Variants in FHIP1A observed in about 807,000 individuals in gnomAD.
FHIP1A encodes the protein FHF complex subunit HOOK-interacting protein 1A.
FHIP1A carries 61 observed loss-of-function variants against 88.6 expected under a neutral mutation model. The ratio of observed to expected loss-of-function variants is 0.69; its 90% CI spans 0.56 to 0.85. The LOEUF is 0.85. Ranked by LOEUF, FHIP1A falls within the 40% of genes least tolerant of loss-of-function variation. The pLI, the probability that FHIP1A is intolerant of heterozygous loss-of-function variation, is 0.00. For missense variants in FHIP1A, 1,154 were observed against 1,273.5 expected, an observed-to-expected ratio of 0.91 and a Z score of 1.43; for synonymous variants, 478 against 496.0, an observed-to-expected ratio of 0.96 and a Z score of 0.48.
At chr4:151,637,546 G>T (rs1479536924) in intron 8 of FHIP1A, among the ~76,000 whole-genome samples, 2 of 152,126 alleles carry the variant, frequency 1.3e-5, no homozygotes, top group Non-Finnish European at 2.9e-5. Context: ...ACAGTGATTT[G>T]CAGGGGTTAC....
At chr4:151,411,343 A>ATTCTTTTTTT (rs370374898) in intron 1 of FHIP1A, among the ~76,000 whole-genome samples, 4,490 of 111,890 alleles carry the variant, frequency 0.04, 372 homozygotes, top group Middle Eastern at 0.074. Flanking sequence ...GTGAAATTAT[A>ATTCTTTTTTT]TATATATTTT....
intron 7 of FHIP1A, among the ~76,000 whole-genome samples, chr4:151,625,042 G>A (rs1180716963): frequency 6.6e-6 from 1 of 152,156 alleles, no homozygotes; most frequent in Non-Finnish European, 1.5e-5. Flanking sequence ...CTTGGCTGCA[G>A]GTGGGTGGAT....
At chr4:151,433,257 C>T (rs1452153423) in intron 1 of FHIP1A, among the ~76,000 whole-genome samples, 2 of 150,346 alleles carry the variant, frequency 1.3e-5, no homozygotes, top group African/African-American at 4.9e-5. Flanking sequence ...ATTGAGGAGG[C>T]TACTGTGAAG....
chr4:151,577,860 T>C lies in FHIP1A; in HGVS notation c.516T>C (p.Ile172=). ...TCCTACTCAATCAGCTCTGTTCCATTCTTGCCAAAGATCCATCCATTTTAG... is the reference window on the plus strand; with the variant it reads ...TCCTACTCAATCAGCTCTGTTCCATCCTTGCCAAAGATCCATCCATTTTAG... The part of the protein sequence containing the change: ...LVVLLNQLCS[I]LAKDPSILEL... The change falls in exon 5 of 14, where the codon ATT becomes ATC. Residue 172 remains isoleucine (I), a synonymous_variant. Transcript: ENST00000435205. 6.4e-7 allele frequency: 1 copy of C among 1,551,972 alleles called. No individual in the cohort carries two copies. The highest frequency in any genetic ancestry group is 8.7e-7 in the Non-Finnish European group (1 of 1,147,038).
chr4:151,600,064 C>G (rs2126827414), intron 7 of FHIP1A, among the ~76,000 whole-genome samples: 1 of 152,330 alleles, frequency 6.6e-6, no homozygotes, highest in East Asian at 1.9e-4. Context: ...ATTGCATCAT[C>G]ACTGCATCTT....
chr4:151,505,028 G>C (rs1474577643), intron 3 of FHIP1A, among the ~76,000 whole-genome samples: 1 of 152,144 alleles, frequency 6.6e-6, no homozygotes, highest in African/African-American at 2.4e-5. Flanking sequence ...GTTTGTCTCT[G>C]TGTCTCCTTG....
intron 7 of FHIP1A, among the ~76,000 whole-genome samples, chr4:151,607,513 A>G (rs1651209249): frequency 6.6e-6 from 1 of 152,206 alleles, no homozygotes; most frequent in Non-Finnish European, 1.5e-5. Context: ...TTCTTGATTA[A>G]TTGAAAACTA....
At chr4:151,590,720 G>A (rs1734393211) in intron 7 of FHIP1A, among the ~76,000 whole-genome samples, 1 of 152,196 alleles carries the variant, frequency 6.6e-6, no homozygotes, top group Non-Finnish European at 1.5e-5. Flanking sequence ...TTCCCAGACA[G>A]TGGTTTGTAA....
In FHIP1A at chr4:151,629,726, A is replaced by G. The variant is rs372011292; in HGVS notation, c.1003A>G (p.Thr335Ala). ...GGTGACTGTGGAAGAGGTCATGACC[A>G]CAACTGCATATCTGGACCTTTTCCT... ...HKVTVEEVMT[T>A]TAYLDLFLRS... Residue 335 changes from threonine (T) to alanine (A), a missense_variant, in exon 8 of 14, where the codon ACA (threonine) becomes GCA (alanine). Thr to Ala is a moderately conservative substitution (Grantham distance 58, BLOSUM62 0). Coordinates refer to ENST00000435205, the MANE Select transcript of FHIP1A (RefSeq NM_001109977.3). 3.1e-4 allele frequency: 478 copies of G among 1,551,294 alleles called. 2 individuals carry two copies. The African/African-American group carries it at 5.9e-3, about 19-fold the overall frequency.
chr4:151,438,803 G>A (rs1458115342), intron 1 of FHIP1A, among the ~76,000 whole-genome samples: 1 of 151,570 alleles, frequency 6.6e-6, no homozygotes, highest in Non-Finnish European at 1.5e-5. Context: ...CACCGCACCT[G>A]GCTAATTTTT....
chr4:151,525,523 G>C (rs143332483), intron 3 of FHIP1A, among the ~76,000 whole-genome samples: 3 of 152,238 alleles, frequency 2.0e-5, no homozygotes, highest in African/African-American at 7.2e-5. Context: ...CAGAGAAGGG[G>C]GTCTTGGCAG....
chr4:151,425,821 AT>A (rs1733348296), intron 1 of FHIP1A, among the ~76,000 whole-genome samples: 1 of 152,012 alleles, frequency 6.6e-6, no homozygotes. Context: ...TCTCCTCTAC[AT>A]GTGTCCCTGT....
intron 8 of FHIP1A, among the ~76,000 whole-genome samples, chr4:151,632,407 A>C (rs1273248478): frequency 1.3e-5 from 2 of 152,010 alleles, no homozygotes; most frequent in Admixed American, 1.3e-4. Flanking sequence ...TCAATGCCCT[A>C]CTTAAATAGT....
At chr4:151,653,926 GT>G (rs1737131777) in intron 11 of FHIP1A, among the ~76,000 whole-genome samples, 1 of 152,138 alleles carries the variant, frequency 6.6e-6, no homozygotes, top group Non-Finnish European at 1.5e-5. Flanking sequence ...ACTTTGTGAG[GT>G]GGGGAGTCTA....
At chr4:151,645,288 C>A (rs192183767) in intron 9 of FHIP1A, among the ~76,000 whole-genome samples, 1 of 152,070 alleles carries the variant, frequency 6.6e-6, no homozygotes, top group Non-Finnish European at 1.5e-5. Flanking sequence ...GGTTAAGTGG[C>A]AAGTTTGCTA....
rs371383218 is a variant in FHIP1A, at chr4:151,429,239, T to C, written c.-356+19774T>C. Among the ~76,000 whole-genome samples the C allele has an allele frequency of 7.9e-4, 121 of 152,390 alleles. 6 individuals carry two copies. The South Asian group carries it at 0.025, about 31-fold the overall frequency. On this transcript the variant is annotated intron_variant, in intron 1 of 13. Transcript: ENST00000435205. ...CATGAAGGCAGGCAGTTCGCCTGTT[T>C]TTGTTCACCATTGTTTCCCCAACAC...
chr4:151,515,412 C>G (rs1731194328), intron 3 of FHIP1A, among the ~76,000 whole-genome samples: 2 of 152,020 alleles, frequency 1.3e-5, no homozygotes, highest in Non-Finnish European at 2.9e-5. Flanking sequence ...GATGCCCTCT[C>G]TCACCACTCC....
At chr4:151,498,451 A>G (rs1392546411) in intron 3 of FHIP1A, among the ~76,000 whole-genome samples, 1 of 152,144 alleles carries the variant, frequency 6.6e-6, no homozygotes, top group Non-Finnish European at 1.5e-5. Flanking sequence ...TCTCCAGGGT[A>G]GGGGAGGGCG....
intron 3 of FHIP1A, among the ~76,000 whole-genome samples, chr4:151,529,592 G>A (rs925542559): frequency 5.9e-5 from 9 of 152,188 alleles, no homozygotes; most frequent in Non-Finnish European, 1.0e-4. Context: ...TTGATGGTGT[G>A]TGTATGTTTT....
Sources: gnomAD v4.1 joint callset for allele counts (sites outside exome capture counted in the v4.1 genomes callset) on GRCh38, gnomAD v4.1.1 for gene constraint, MANE v1.5 for transcripts, NCBI Gene and HGNC (gene_info 2026-07-23, HGNC 2026-07-21) for gene names.